Variants in OBI1 observed in about 807,000 individuals in gnomAD.
The protein encoded by OBI1 is ring finger protein 219.
In OBI1, 59 loss-of-function variants were observed where a neutral mutation model predicts 62.4. The ratio of observed to expected loss-of-function variants is 0.95; its 90% CI spans 0.77 to 1.17. The LOEUF is 1.17. OBI1 is among the 50% of genes most tolerant of loss of function. The pLI, the probability that OBI1 is intolerant of heterozygous loss-of-function variation, is 0.00. For missense variants in OBI1, 875 were observed against 830.9 expected (o/e 1.05, Z -0.65); for synonymous variants, 302 against 292.8 (o/e 1.03, Z -0.32).
At chr13:78,625,974 T>C (rs183685949) in intron 5 of OBI1, among the ~76,000 whole-genome samples, 22 of 152,350 alleles carry the variant, frequency 1.4e-4, no homozygotes, top group Non-Finnish European at 2.9e-4. Context: ...AGAGCATTAC[T>C]AGCACATCTT....
At chr13:78,626,408 T>C in intron 5 of OBI1, among the ~76,000 whole-genome samples, 1 of 152,212 alleles carries the variant, frequency 6.6e-6, no homozygotes, top group Non-Finnish European at 1.5e-5. Context: ...GCCAAGGAGC[T>C]GCCAGATTAA....
chr13:78,633,462 G>A (rs998917586), intron 5 of OBI1, among the ~76,000 whole-genome samples: 2 of 152,134 alleles, frequency 1.3e-5, no homozygotes, highest in Admixed American at 1.3e-4. Context: ...ATTTCTGGTA[G>A]GATAAATTTC....
intron 1 of OBI1, among the ~76,000 whole-genome samples, chr13:78,658,664 T>C (rs1444778381): frequency 6.6e-6 from 1 of 152,054 alleles, no homozygotes; most frequent in African/African-American, 2.4e-5. Flanking sequence ...TCCCAGGAAA[T>C]GTGTTTTAAT....
At chr13:78,641,959 G>A (rs973442380) in intron 3 of OBI1, among the ~76,000 whole-genome samples, 163 bp downstream of exon 3, 10 of 140,380 alleles carry the variant, frequency 7.1e-5, no homozygotes, top group Admixed American at 2.8e-4. Context: ...TTTAAAATAC[G>A]AAAGGAAAAA....
At chr13:78,620,514 T>C in intron 5 of OBI1, 2 of 422,562 alleles carry the variant, frequency 4.7e-6, no homozygotes, top group Non-Finnish European at 4.7e-6. Flanking sequence ...GCAGAGCAGT[T>C]TGGGAGCTAC....
At chr13:78,637,774 T>C (rs1876073370) in intron 4 of OBI1, among the ~76,000 whole-genome samples, 2 of 152,206 alleles carry the variant, frequency 1.3e-5, no homozygotes, top group Admixed American at 1.3e-4. Context: ...GTCTGTAGTT[T>C]CTTTTTTATC....
rs1414009983 is a variant in OBI1 at position 78,642,115 on chromosome 13, T to C, written c.300+7A>G. ...TAACATAATTTTAAACTTTGATTACTGTTTACCTCATATTCTTTGTGTAGT... is the reference window on the plus strand; with the variant it reads ...TAACATAATTTTAAACTTTGATTACCGTTTACCTCATATTCTTTGTGTAGT... On this transcript the variant is annotated splice_region_variant and intron_variant, in intron 3 of 5. Transcript: ENST00000282003. 2 of 1,536,618 alleles carry C rather than the reference T, an allele frequency of 1.3e-6. No individual in the cohort carries two copies. The highest frequency in any genetic ancestry group is 1.8e-6 in the Non-Finnish European group (2 of 1,110,460).
At chr13:78,639,206 G>C in intron 3 of OBI1, 135 bp from the exon 4 acceptor site, 1 of 837,926 alleles carries the variant, frequency 1.2e-6, no homozygotes. Flanking sequence ...CATATCAAAA[G>C]AGTTTTGCAG....
rs1451013646 is a variant in OBI1 at position 78,659,111 on chromosome 13, T to C, written c.10A>G (p.Thr4Ala). 1.2e-6 allele frequency: 2 copies of C among 1,611,196 alleles called. No individual in the cohort carries two copies. Among genetic ancestry groups the C allele is most frequent in the Non-Finnish European group, 1.7e-6 (2 of 1,179,178 alleles). The change falls in exon 1 of 6, where the codon ACC becomes GCC. Residue 4 changes from threonine (T) to alanine (A), a missense_variant. Transcript: ENST00000282003. MAQ[T>A]VQNVTLSLTL... ...AGCGACAATGTAACATTCTGCACGGTCTGAGCCATGGCAGCGTTCAGAATC... is the reference window on the plus strand; with the variant it reads ...AGCGACAATGTAACATTCTGCACGGCCTGAGCCATGGCAGCGTTCAGAATC...
Position 78,659,140 on chromosome 13 carries a change from C to T in OBI1, c.-20G>A. ...AGCCATGGCAGCGTTCAGAATCCCGCCAACACGGAAGTCCCGCCGACCTAC... is the reference window on the plus strand; with the variant it reads ...AGCCATGGCAGCGTTCAGAATCCCGTCAACACGGAAGTCCCGCCGACCTAC... On this transcript the variant is annotated 5_prime_UTR_variant, in exon 1 of 6. Transcript: ENST00000282003. 1 of 1,607,790 alleles carries T rather than the reference C, an allele frequency of 6.2e-7. No homozygotes were observed. Among genetic ancestry groups the T allele is most frequent in the South Asian group, 1.1e-5 (1 of 90,172 alleles).
intron 1 of OBI1, among the ~76,000 whole-genome samples, chr13:78,653,487 A>AG (rs1242442350): frequency 6.6e-6 from 1 of 152,246 alleles, no homozygotes; most frequent in Non-Finnish European, 1.5e-5. Context: ...ATAATGATAC[A>AG]GGTTATAAAT....
At chr13:78,617,405 G>A (rs1875348290) in intron 5 of OBI1, 2 of 296,514 alleles carry the variant, frequency 6.7e-6, no homozygotes, top group African/African-American at 2.2e-5. Context: ...ATTTCCCCTC[G>A]AAGAGCTGGC....
rs770127353 is a variant in OBI1, at chr13:78,616,605, G to T, written c.1156C>A (p.Leu386Ile). ...GACAAAGGAGTACAAGGAGCTGGAAGATCATAAAGTTCTTCATCTTTGTAG... is the reference window on the plus strand; with the variant it reads ...GACAAAGGAGTACAAGGAGCTGGAATATCATAAAGTTCTTCATCTTTGTAG... ...VPYKDEELYDLPAPCTPLSLS... is the reference protein window; with the variant it reads ...VPYKDEELYDIPAPCTPLSLS... The change falls in exon 6 of 6, where the codon CTT becomes ATT. Residue 386 changes from leucine (L) to isoleucine (I), a missense_variant. Transcript: ENST00000282003. 21 of 1,614,166 alleles carry T rather than the reference G, an allele frequency of 1.3e-5. No homozygotes were observed. In the East Asian group the frequency reaches 4.7e-4, roughly 36 times the overall value.
chr13:78,634,646 A>T (rs900852373), intron 5 of OBI1, among the ~76,000 whole-genome samples: 1 of 152,162 alleles, frequency 6.6e-6, no homozygotes, highest in African/African-American at 2.4e-5. Context: ...AGGTAAATTA[A>T]TTTAAACTCT....
At chr13:78,623,714 T>C (rs959583405) in intron 5 of OBI1, among the ~76,000 whole-genome samples, 45 of 152,308 alleles carry the variant, frequency 3.0e-4, no homozygotes, top group African/African-American at 1.1e-3. Flanking sequence ...ACAGAGTCAA[T>C]GAACTAGGAT....
At chr13:78,621,322 C>T (rs1461219766) in intron 5 of OBI1, among the ~76,000 whole-genome samples, 1 of 152,186 alleles carries the variant, frequency 6.6e-6, no homozygotes, top group Non-Finnish European at 1.5e-5. Flanking sequence ...TCACTTCTAG[C>T]TTTTCAGTTC....
At chr13:78,639,905 G>A (rs1479915752) in intron 3 of OBI1, among the ~76,000 whole-genome samples, 1 of 149,172 alleles carries the variant, frequency 6.7e-6, no homozygotes, top group Non-Finnish European at 1.5e-5. Flanking sequence ...TGACGAGTTA[G>A]TGGGTGCAGC....
chr13:78,627,013 C>G (rs759099863), intron 5 of OBI1, among the ~76,000 whole-genome samples: 8 of 152,122 alleles, frequency 5.3e-5, no homozygotes, highest in Non-Finnish European at 1.2e-4. Flanking sequence ...TTGCAGTGAA[C>G]TGAGATGGTG....
At chr13:78,636,614 G>A (rs903698061) in intron 4 of OBI1, among the ~76,000 whole-genome samples, 2 of 152,106 alleles carry the variant, frequency 1.3e-5, no homozygotes, top group African/African-American at 4.8e-5. Flanking sequence ...ACCCATCCAG[G>A]TTCCCTCTGG....
Sources: allele counts gnomAD v4.1 joint callset (sites outside exome capture counted in the v4.1 genomes callset), GRCh38; gene constraint gnomAD v4.1.1; transcripts MANE v1.5; gene names NCBI Gene and HGNC (gene_info 2026-07-23, HGNC 2026-07-21).